Variants in STK3 observed in about 807,000 individuals in gnomAD.
STK3 encodes the protein serine/threonine kinase 3.
Under a neutral mutation model 58.0 loss-of-function variants are expected in STK3, and 41 were observed. That is an observed-to-expected ratio of 0.71 (90% confidence interval 0.55 to 0.92). STK3 has a LOEUF of 0.92. STK3 is among the 40% of genes least tolerant of loss of function. STK3 has a pLI of 0.00. For missense variants in STK3, 479 were observed against 602.7 expected, an observed-to-expected ratio of 0.79 and a Z score of 2.15; for synonymous variants, 170 against 191.0, an observed-to-expected ratio of 0.89 and a Z score of 0.91.
chr8:98,933,322 G>T (rs922383030), intron 1 of STK3, among the ~76,000 whole-genome samples: 1 of 152,128 alleles, frequency 6.6e-6, no homozygotes, highest in African/African-American at 2.4e-5. Context: ...ATTGTATACA[G>T]ACCGAAAAAC....
intron 1 of STK3, among the ~76,000 whole-genome samples, chr8:98,787,514 G>T (rs751794276): frequency 6.6e-6 from 1 of 152,176 alleles, no homozygotes; most frequent in East Asian, 1.9e-4. Context: ...TATATTTGGG[G>T]GAATAATTGA....
intron 3 of STK3, among the ~76,000 whole-genome samples, chr8:98,418,877 C>T (rs912343354): frequency 6.6e-6 from 1 of 152,198 alleles, no homozygotes; most frequent in African/African-American, 2.4e-5. Flanking sequence ...CTCTGTGCTC[C>T]ACTCTGCCAC....
At chr8:98,927,492 AG>A (rs984419026) in intron 1 of STK3, among the ~76,000 whole-genome samples, 72 of 152,276 alleles carry the variant, frequency 4.7e-4, no homozygotes, top group African/African-American at 1.6e-3. Context: ...TCCTACTACT[AG>A]TGTTTATTGA....
At chr8:98,417,528 T>TAAAC (rs1282706875) in intron 3 of STK3, among the ~76,000 whole-genome samples, 1 of 151,084 alleles carries the variant, frequency 6.6e-6, no homozygotes, top group African/African-American at 2.4e-5. Flanking sequence ...AATAAATAAA[T>TAAAC]AAATAAACAA....
rs544728009 is a variant in STK3, at chr8:98,586,132, T to C, written c.823-6343A>G. On this transcript the variant is annotated intron_variant, in intron 7 of 10. Coordinates refer to ENST00000419617, the MANE Select transcript of STK3 (RefSeq NM_006281.4). ...GCCCTGGCCAGAACTTCCAACACTA[T>C]GTTGAATAGGAGTGGTGAGAGAGGG... Among the ~76,000 whole-genome samples, 32 of 152,108 alleles carry C rather than the reference T, an allele frequency of 2.1e-4. 1 individual carries two copies. Among genetic ancestry groups the C allele is most frequent in the African/African-American group, 7.7e-4 (32 of 41,466 alleles).
At chr8:98,564,157 A>G (rs1014709216) in intron 8 of STK3, among the ~76,000 whole-genome samples, 1 of 152,148 alleles carries the variant, frequency 6.6e-6, no homozygotes, top group African/African-American at 2.4e-5. Flanking sequence ...TCAAAAACCA[A>G]TAAGCCTCGT....
intron 6 of STK3, among the ~76,000 whole-genome samples, chr8:98,647,516 A>G (rs892876365): frequency 1.3e-5 from 2 of 152,188 alleles, no homozygotes; most frequent in Non-Finnish European, 1.5e-5. Flanking sequence ...ATACTAGACT[A>G]TCTTAAAATA....
intron 9 of STK3, among the ~76,000 whole-genome samples, chr8:98,530,448 G>C (rs968250498): frequency 1.2e-4 from 18 of 152,136 alleles, no homozygotes; most frequent in African/African-American, 4.1e-4. Context: ...AGTGACATCA[G>C]AAAGATGGCT....
At chr8:98,917,393 G>A (rs992750476) in intron 1 of STK3, among the ~76,000 whole-genome samples, 1 of 152,148 alleles carries the variant, frequency 6.6e-6, no homozygotes, top group African/African-American at 2.4e-5. Flanking sequence ...AGAATCCAGA[G>A]GTGGGCTTCT....
intron 6 of STK3, chr8:98,597,115 G>C (rs1815894730): frequency 4.0e-6 from 1 of 248,646 alleles, no homozygotes; most frequent in African/African-American, 2.3e-5. Context: ...AATTACTCCA[G>C]AATTCAAGAA....
chr8:98,554,343 C>A (rs1405752596), intron 8 of STK3, among the ~76,000 whole-genome samples: 1 of 152,132 alleles, frequency 6.6e-6, no homozygotes, highest in East Asian at 1.9e-4. Context: ...ACGTGTGAGT[C>A]ATTTTTCTCT....
intron 10 of STK3, among the ~76,000 whole-genome samples, chr8:98,472,723 C>T (rs1260730022): frequency 6.6e-6 from 1 of 152,112 alleles, no homozygotes; most frequent in Non-Finnish European, 1.5e-5. Context: ...TCATCTGTCA[C>T]ATAACATTTA....
intron 9 of STK3, among the ~76,000 whole-genome samples, chr8:98,535,453 T>A (rs1042761632): frequency 1.5e-5 from 2 of 129,494 alleles, no homozygotes; most frequent in Non-Finnish European, 3.3e-5. Flanking sequence ...ATTGCTTTCA[T>A]TAATTTTTTT....
intron 9 of STK3, among the ~76,000 whole-genome samples, chr8:98,528,495 T>G (rs1825912447): frequency 6.6e-6 from 1 of 150,474 alleles, no homozygotes; most frequent in Admixed American, 6.6e-5. Context: ...TTTTCTTTTC[T>G]TTTTTTTTGA....
At chr8:98,551,548 C>T (rs1041404070) in intron 8 of STK3, among the ~76,000 whole-genome samples, 14 of 152,068 alleles carry the variant, frequency 9.2e-5, no homozygotes, top group Non-Finnish European at 1.9e-4. Context: ...TGCCTGATAG[C>T]GAAAGCTATC....
chr8:98,438,783 A>G, intron 1 of STK3: 1 of 152,248 alleles, frequency 6.6e-6, no homozygotes, highest in Non-Finnish European at 1.5e-5. Flanking sequence ...GTGTGGCCAT[A>G]TGGATGTCTA....
At chr8:98,866,704 C>T (rs1261306822) in intron 3 of STK3, among the ~76,000 whole-genome samples, 2 of 152,154 alleles carry the variant, frequency 1.3e-5, no homozygotes, top group Admixed American at 1.3e-4. Flanking sequence ...GATCTCAGCA[C>T]CAGTGCCTGA....
intron 4 of STK3, among the ~76,000 whole-genome samples, chr8:98,710,983 A>G (rs932482005): frequency 6.6e-6 from 1 of 152,164 alleles, no homozygotes; most frequent in South Asian, 2.1e-4. Context: ...CTGTTCACCA[A>G]TATCCACTGT....
chr8:98,405,451 T>C (rs1435123245), intron 3 of STK3, among the ~76,000 whole-genome samples: 1 of 152,232 alleles, frequency 6.6e-6, no homozygotes, highest in Non-Finnish European at 1.5e-5. Context: ...ATTATTATCT[T>C]ATTATTATTC....
Sources: allele counts gnomAD v4.1 joint callset (sites outside exome capture counted in the v4.1 genomes callset), GRCh38; gene constraint gnomAD v4.1.1; transcripts MANE v1.5; gene names NCBI Gene and HGNC (gene_info 2026-07-23, HGNC 2026-07-21).